The following OSBPL10 variants were observed in gnomAD, a reference collection of about 807,000 sequenced individuals.
OSBPL10 encodes oxysterol-binding protein-related protein 10.
A neutral mutation model predicts 81.7 loss-of-function variants in OSBPL10; 49 were observed. The observed-to-expected ratio is 0.60, with a 90% CI of 0.48 to 0.76. The LOEUF (loss-of-function observed/expected upper bound fraction) is 0.76, where lower values mean the gene tolerates loss of function less well. Among genes scored for constraint, OSBPL10 ranks in the 30% least tolerant of loss-of-function variants. OSBPL10 has a pLI of 0.00. For synonymous variants in OSBPL10, 419 were observed against 383.6 expected (o/e 1.09, Z -1.08); for missense variants, 923 against 987.8 (o/e 0.93, Z 0.88).
chr3:31,812,245 T>C (rs1699699869), intron 4 of OSBPL10, among the ~76,000 whole-genome samples: 1 of 152,164 alleles, frequency 6.6e-6, no homozygotes, highest in Admixed American at 6.5e-5. Context: ...TTGACCAGGC[T>C]GGTCTCAAAC....
intron 3 of OSBPL10, among the ~76,000 whole-genome samples, chr3:31,871,526 G>A (rs1347017654): frequency 1.3e-5 from 2 of 152,196 alleles, no homozygotes; most frequent in Non-Finnish European, 2.9e-5. Flanking sequence ...CGGACACACT[G>A]TAACACCACT....
rs140034200 is a variant in OSBPL10, at chr3:32,040,665, GTC to G, written n.298+5824_298+5825del. ...AGCCTGGGAAGCATAGAGAGACCCT[GTC>G]TCTACCAAAAAATTTAAACATTAGC... On this transcript the variant is annotated intron_variant and non_coding_transcript_variant, in intron 2 of 3. Coordinates refer to the OSBPL10 transcript ENST00000479173. 5.2e-3 allele frequency among the ~76,000 whole-genome samples: 790 copies of G among 150,806 alleles called. 5 individuals carry two copies. The highest frequency in any genetic ancestry group is 0.019 in the African/African-American group (761 of 41,066).
intron 7 of OSBPL10, among the ~76,000 whole-genome samples, chr3:31,688,152 C>G (rs1204347083): frequency 6.6e-6 from 1 of 151,896 alleles, no homozygotes; most frequent in African/African-American, 2.4e-5. Flanking sequence ...TCCAACTCTC[C>G]TCCACACAAC....
intron 4 of OSBPL10, among the ~76,000 whole-genome samples, chr3:31,783,146 T>TATATATATATATATATAC (rs1485968747): frequency 1.3e-4 from 15 of 112,988 alleles, no homozygotes; most frequent in African/African-American, 5.4e-4. Flanking sequence ...TATATATATA[T>TATATATATATATATATAC]ACACACACAC....
intron 2 of OSBPL10, among the ~76,000 whole-genome samples, chr3:31,877,858 C>A (rs1701518570): frequency 6.6e-6 from 1 of 152,096 alleles, no homozygotes; most frequent in African/African-American, 2.4e-5. Context: ...GAAATTAGGG[C>A]CTTTTTCCTT....
chr3:31,991,713 GAA>G, intron 2 of OSBPL10: 1 of 152,432 alleles, frequency 6.6e-6, no homozygotes. Flanking sequence ...CTTTCTTTCT[GAA>G]AAAAAAAATG....
At chr3:31,797,902 C>T in intron 4 of OSBPL10, 1 of 428,178 alleles carries the variant, frequency 2.3e-6, no homozygotes, top group Non-Finnish European at 4.8e-6. Flanking sequence ...CTTTCTAGCA[C>T]TCTCAACCTG....
intron 8 of OSBPL10, among the ~76,000 whole-genome samples, chr3:31,680,259 G>C (rs548465034): frequency 5.3e-5 from 8 of 152,166 alleles, no homozygotes; most frequent in African/African-American, 1.4e-4. Context: ...TGTCCATATA[G>C]GGCTCTAATC....
At chr3:31,958,348 A>G (rs1355220647) in intron 1 of OSBPL10, among the ~76,000 whole-genome samples, 1 of 152,198 alleles carries the variant, frequency 6.6e-6, no homozygotes, top group Non-Finnish European at 1.5e-5. Flanking sequence ...AGTCCTTAAA[A>G]ATATCTTCTC....
intron 5 of OSBPL10, among the ~76,000 whole-genome samples, chr3:31,743,852 A>T (rs539211602): frequency 6.6e-5 from 10 of 152,146 alleles, no homozygotes; most frequent in South Asian, 2.1e-4. Flanking sequence ...CTTAGACATA[A>T]CCATTATATT....
intron 3 of OSBPL10, among the ~76,000 whole-genome samples, chr3:31,872,758 AC>A (rs1483010806): frequency 6.6e-6 from 1 of 151,892 alleles, no homozygotes; most frequent in Non-Finnish European, 1.5e-5. Context: ...AGAAGCTGAG[AC>A]TACAGGTGTG....
At chr3:31,798,220 C>G (rs1018891974) in intron 4 of OSBPL10, among the ~76,000 whole-genome samples, 2 of 152,062 alleles carry the variant, frequency 1.3e-5, no homozygotes, top group Non-Finnish European at 2.9e-5. Flanking sequence ...CACCTGAGGT[C>G]AGGAGTTTGA....
intron 4 of OSBPL10, among the ~76,000 whole-genome samples, chr3:31,784,235 G>C (rs750384714): frequency 6.6e-6 from 1 of 151,628 alleles, no homozygotes; most frequent in Admixed American, 6.6e-5. Flanking sequence ...GGTGGTATGC[G>C]CCTTTAGTCC....
At chr3:31,766,567 T>C (rs568310064) in intron 4 of OSBPL10, among the ~76,000 whole-genome samples, 1 of 152,136 alleles carries the variant, frequency 6.6e-6, no homozygotes, top group African/African-American at 2.4e-5. Context: ...CTTGAACTCC[T>C]AGCCTCAAGC....
intron 1 of OSBPL10, among the ~76,000 whole-genome samples, chr3:31,977,916 C>T (rs1186965654): frequency 2.0e-5 from 3 of 152,206 alleles, no homozygotes; most frequent in Admixed American, 6.5e-5. Flanking sequence ...CCTGAACTTA[C>T]TCTCCTGAGT....
At chr3:31,895,326 TG>T (rs1481671636) in intron 1 of OSBPL10, among the ~76,000 whole-genome samples, 2 of 150,978 alleles carry the variant, frequency 1.3e-5, no homozygotes, top group Non-Finnish European at 3.0e-5. Context: ...TTAGTAGAGA[TG>T]GGGGTTTCAC....
chr3:31,667,826 C>T (rs1481182451), intron 10 of OSBPL10, among the ~76,000 whole-genome samples: 2 of 152,224 alleles, frequency 1.3e-5, no homozygotes, highest in Non-Finnish European at 2.9e-5. Context: ...TTGGATTTGG[C>T]CCACAGGCCA....
chr3:31,745,615 C>T (rs1439140185), intron 5 of OSBPL10, among the ~76,000 whole-genome samples: 2 of 152,140 alleles, frequency 1.3e-5, no homozygotes, highest in Non-Finnish European at 2.9e-5. Context: ...AACCCCAGGC[C>T]GGGAAGACGC....
chr3:31,793,181 C>T (rs1001718135), intron 4 of OSBPL10, among the ~76,000 whole-genome samples: 1 of 152,064 alleles, frequency 6.6e-6, no homozygotes, highest in Non-Finnish European at 1.5e-5. Context: ...CTTTCATATC[C>T]TGCCTCCTTC....
Sources: allele counts gnomAD v4.1 joint callset (sites outside exome capture counted in the v4.1 genomes callset), GRCh38; gene constraint gnomAD v4.1.1; transcripts MANE v1.5; gene names NCBI Gene and HGNC (gene_info 2026-07-23, HGNC 2026-07-21).